Variants in MROH7 observed in about 807,000 individuals in gnomAD.
MROH7 encodes the protein maestro heat like repeat family member 7, also known as maestro heat-like repeat-containing protein family member 7.
Under a neutral mutation model 129.2 loss-of-function variants are expected in MROH7, and 113 were observed. That is an observed-to-expected ratio of 0.87 (90% confidence interval 0.75 to 1.02). The LOEUF (loss-of-function observed/expected upper bound fraction) is 1.02, where lower values mean the gene tolerates loss of function less well. MROH7 is among the 50% of genes least tolerant of loss of function. The pLI is 0.00. For synonymous variants in MROH7, 655 were observed against 667.9 expected (o/e 0.98, Z 0.30); for missense variants, 1,601 against 1,671.3 (o/e 0.96, Z 0.73).
Position 54,705,922 on chromosome 1 carries a change from C to T in MROH7, c.3565-513C>T, listed in dbSNP as rs17110959. Among the ~76,000 whole-genome samples the T allele has an allele frequency of 2.8e-3, 425 of 152,306 alleles. 5 individuals are homozygous for T. Among genetic ancestry groups the T allele is most frequent in the African/African-American group, 9.9e-3 (410 of 41,554 alleles). On this transcript the variant is annotated intron_variant, in intron 21 of 23. Transcript: ENST00000421030. ...CAACTGTCTCCCACTTTCTACCTGT[C>T]AAAGCCATCGTGACTACCTCTGTCA...
chr1:54,673,823 G>C lies in MROH7; in HGVS notation c.1800+18G>C, dbSNP rs772668871. 1.9e-6 allele frequency: 3 copies of C among 1,593,798 alleles called. No homozygotes were observed. Among genetic ancestry groups the C allele is most frequent in the Admixed American group, 3.3e-5 (2 of 59,990 alleles). On this transcript the variant is annotated intron_variant, in intron 9 of 23. Transcript: ENST00000421030. The stretch of plus-strand genomic sequence containing the variant: ...CTTTCTTTGTGAGTGGCCCCTGGGA[G>C]GGGTGGACACTCTTAGGGAAAATCT...
At chr1:54,658,463 CTT>C (rs1473195106) in intron 3 of MROH7, among the ~76,000 whole-genome samples, 1 of 152,140 alleles carries the variant, frequency 6.6e-6, no homozygotes, top group African/African-American at 2.4e-5. Flanking sequence ...CAGGGCCACT[CTT>C]TGCTTTTTTA....
chr1:54,653,988 C>G lies in MROH7; in HGVS notation c.1062C>G (p.Ser354Arg), dbSNP rs778342437. Residue 354 changes from serine (S) to arginine (R), a missense_variant, in exon 3 of 24, where the codon AGC becomes AGG. Physicochemically the swap from Ser to Arg is moderately radical, Grantham distance 110 (BLOSUM62 -1). Transcript: ENST00000421030. ...LFSDTSTLTL[S>R]SQQDDAKDNS... Reference sequence around the variant, plus strand: ...GCGACACCTCCACCTTGACGCTGAGCAGTCAGCAGGATGATGCCAAGGACA... The same window carrying G: ...GCGACACCTCCACCTTGACGCTGAGGAGTCAGCAGGATGATGCCAAGGACA... 2.5e-6 allele frequency: 4 copies of G among 1,614,228 alleles called. No individual in the cohort carries two copies. The highest frequency in any genetic ancestry group is 3.4e-6 in the Non-Finnish European group (4 of 1,180,034).
chr1:54,653,280 G>A lies in MROH7; in HGVS notation c.354G>A (p.Gln118=). ...AGGATGTCTCAAGGCCTGACTCACAGGGGCGCCTCTGTCCAGCCTCAAACC... is the reference window on the plus strand; with the variant it reads ...AGGATGTCTCAAGGCCTGACTCACAAGGGCGCCTCTGTCCAGCCTCAAACC... ...DSKDVSRPDS[Q]GRLCPASNPI... The change falls in exon 3 of 24, where the codon CAG becomes CAA. Residue 118 remains glutamine (Q), a synonymous_variant. Coordinates refer to ENST00000421030, the MANE Select transcript of MROH7 (RefSeq NM_001039464.4). 6.2e-7 allele frequency: 1 copy of A among 1,614,144 alleles called. No homozygotes were observed. Among genetic ancestry groups the A allele is most frequent in the Non-Finnish European group, 8.5e-7 (1 of 1,180,036 alleles).
chr1:54,692,631 G>T, intron 16 of MROH7, 70 bp downstream of exon 16: 11 of 1,497,354 alleles, frequency 7.3e-6, no homozygotes, highest in Non-Finnish European at 9.9e-6. Flanking sequence ...TCTTCAGACG[G>T]ACTTGGTCTG....
chr1:54,655,893 A>ATT (rs372850123), intron 3 of MROH7, among the ~76,000 whole-genome samples: 5 of 133,698 alleles, frequency 3.7e-5, no homozygotes, highest in Non-Finnish European at 4.8e-5. Flanking sequence ...ACTTTATAGT[A>ATT]TTTTTTTTTT....
chr1:54,653,571 T>G lies in MROH7; in HGVS notation c.645T>G (p.Asn215Lys). 6.2e-7 allele frequency: 1 copy of G among 1,614,148 alleles called. No homozygotes were observed. The highest frequency in any genetic ancestry group is 1.6e-4 in the Middle Eastern group (1 of 6,062). The change falls in exon 3 of 24, where the codon AAT becomes AAG. Residue 215 changes from asparagine to lysine, a missense_variant. Transcript: ENST00000421030. Reference protein sequence around the residue: ...TSNSSLDLDSNPLLNMGSRNT... With the variant: ...TSNSSLDLDSKPLLNMGSRNT... ...ACTCTTCTCTGGACCTTGACTCCAA[T>G]CCATTGCTCAACATGGGCTCAAGAA...
chr1:54,686,985 A>C (rs747639470), intron 15 of MROH7, among the ~76,000 whole-genome samples: 22 of 152,134 alleles, frequency 1.4e-4, no homozygotes, highest in Non-Finnish European at 2.6e-4. Flanking sequence ...ACACTGCTAC[A>C]CATTTTTTGC....
At chr1:54,642,144 C>T (rs1394135009) in intron 1 of MROH7, among the ~76,000 whole-genome samples, 176 bp downstream of exon 1, 1 of 151,842 alleles carries the variant, frequency 6.6e-6, no homozygotes, top group African/African-American at 2.4e-5. Flanking sequence ...GGAAACCATA[C>T]TTTGTCTTTT....
intron 10 of MROH7, among the ~76,000 whole-genome samples, chr1:54,676,854 A>G (rs2764826): frequency 0.83 from 126,564 of 151,932 alleles, 52,926 homozygotes; most frequent in East Asian, 1. Flanking sequence ...GATTACAGGC[A>G]TGCACTACCG....
chr1:54,702,889 C>T (rs1645463325), intron 21 of MROH7, 144 bp downstream of exon 21: 2 of 956,808 alleles, frequency 2.1e-6, no homozygotes, highest in South Asian at 1.9e-5. Flanking sequence ...TTCCTCTCCA[C>T]CTCTGGCTTC....
At chr1:54,644,956 C>T (rs1479660495) in intron 1 of MROH7, among the ~76,000 whole-genome samples, 1 of 151,936 alleles carries the variant, frequency 6.6e-6, no homozygotes, top group African/African-American at 2.4e-5. Context: ...ACTACAGGCA[C>T]CTGTCACCAT....
At chr1:54,685,904 G>C (rs748165361) in intron 14 of MROH7, among the ~76,000 whole-genome samples, 13 of 152,184 alleles carry the variant, frequency 8.5e-5, no homozygotes, top group Non-Finnish European at 1.6e-4. Flanking sequence ...GTGACCTTGA[G>C]CTAGCAGCTT....
Position 54,686,240 on chromosome 1 carries a change from C to T in MROH7, c.2521-18C>T. The T allele has an allele frequency of 1.9e-6, 3 of 1,598,646 alleles. No homozygotes were observed. The highest frequency in any genetic ancestry group is 2.2e-5 in the East Asian group (1 of 44,630). On this transcript the variant is annotated intron_variant, in intron 14 of 23. Coordinates refer to ENST00000421030, the MANE Select transcript of MROH7 (RefSeq NM_001039464.4). ...AGATGGGCCACGACATCCCAGCAGC[C>T]TCCCCTCTGCCCCATAGGCAGCCAG...
At position 54,670,804 on chromosome 1, in the gene MROH7, A is replaced by G. The variant is rs766535483; in HGVS notation, c.1474A>G (p.Thr492Ala). 14 of 1,613,476 alleles carry G rather than the reference A, an allele frequency of 8.7e-6. No individual in the cohort carries two copies. The South Asian group carries it at 1.4e-4, about 16-fold the overall frequency. The change falls in exon 7 of 24, where the codon ACC becomes GCC. Residue 492 changes from threonine (T) to alanine (A), a missense_variant. Coordinates refer to ENST00000421030, the MANE Select transcript of MROH7 (RefSeq NM_001039464.4). The part of the protein sequence containing the change: ...AMEILTQLSH[T>A]QPTLGMRERS... ...TGCTTTCTGCCTCTTCTCCAGCCAC[A>G]CCCAGCCCACCCTGGGCATGCGGGA...
At chr1:54,680,942 A>C (rs1645060010) in intron 13 of MROH7, among the ~76,000 whole-genome samples, 1 of 151,548 alleles carries the variant, frequency 6.6e-6, no homozygotes, top group Non-Finnish European at 1.5e-5. Flanking sequence ...TGTACTCCCC[A>C]CCAGGGTTTT....
At position 54,703,083 on chromosome 1, in the gene MROH7, C is replaced by T. The variant is rs538500615; in HGVS notation, c.3564+338C>T. Among the ~76,000 whole-genome samples, 92 of 152,252 alleles carry T rather than the reference C, an allele frequency of 6.0e-4. No individual in the cohort carries two copies. Among genetic ancestry groups the T allele is most frequent in the African/African-American group, 2.1e-3 (86 of 41,538 alleles). On this transcript the variant is annotated intron_variant, in intron 21 of 23. Coordinates refer to ENST00000421030, the MANE Select transcript of MROH7 (RefSeq NM_001039464.4). The surrounding 1 kb of genome is among the most constrained non-coding windows in gnomAD (Gnocchi z 4.4). Reference sequence around the variant, plus strand: ...CTCTTGGGCTCCTTCATCTCCCTCACCCTCCACATTTGATCAATCTTAAAT... The same window carrying T: ...CTCTTGGGCTCCTTCATCTCCCTCATCCTCCACATTTGATCAATCTTAAAT...
At chr1:54,684,902 C>T (rs1645123316) in intron 14 of MROH7, among the ~76,000 whole-genome samples, 1 of 152,188 alleles carries the variant, frequency 6.6e-6, no homozygotes, top group Admixed American at 6.5e-5. Context: ...ATTTATTGTT[C>T]TCATTCAGCC....
intron 1 of MROH7, among the ~76,000 whole-genome samples, chr1:54,646,669 G>A (rs2101053086): frequency 6.6e-6 from 1 of 152,240 alleles, no homozygotes; most frequent in South Asian, 2.1e-4. Flanking sequence ...AAGGCACCCA[G>A]CATAAAATTG....
Sources: allele counts gnomAD v4.1 joint callset (sites outside exome capture counted in the v4.1 genomes callset), GRCh38; gene constraint gnomAD v4.1.1; non-coding constraint Gnocchi (gnomAD v3.1); transcripts MANE v1.5; gene names NCBI Gene and HGNC (gene_info 2026-07-23, HGNC 2026-07-21).